Variants in PDE3B observed in about 807,000 individuals in gnomAD.
PDE3B encodes the protein phosphodiesterase 3B.
Under a neutral mutation model 116.8 loss-of-function variants are expected in PDE3B, and 66 were observed. The ratio of observed to expected loss-of-function variants is 0.56; its 90% CI spans 0.46 to 0.69. The LOEUF (loss-of-function observed/expected upper bound fraction) is 0.69. Among genes scored for constraint, PDE3B ranks in the 30% least tolerant of loss-of-function variants. PDE3B has a pLI of 0.00. For synonymous variants in PDE3B, 595 were observed against 533.6 expected (o/e 1.12, Z -1.59); for missense variants, 1,384 against 1,368.1 (o/e 1.01, Z -0.18).
chr11:14,816,141 C>T (rs1250194201), intron 5 of PDE3B, among the ~76,000 whole-genome samples: 3 of 152,148 alleles, frequency 2.0e-5, no homozygotes, highest in Admixed American at 6.5e-5. Flanking sequence ...TTTATGAGAC[C>T]TCAGTCTTTT....
intron 1 of PDE3B, among the ~76,000 whole-genome samples, chr11:14,743,675 C>G (rs927336678): frequency 2.0e-5 from 3 of 152,186 alleles, no homozygotes; most frequent in African/African-American, 7.2e-5. Flanking sequence ...GCTTGAAACC[C>G]AGGACCCTGG....
At chr11:14,771,284 A>C (rs1565129286) in intron 1 of PDE3B, among the ~76,000 whole-genome samples, 1 of 151,716 alleles carries the variant, frequency 6.6e-6, no homozygotes, top group Non-Finnish European at 1.5e-5. Context: ...AGTTAATTTT[A>C]TCTCCTTGGG....
the PDE3B span, chr11:14,891,964 G>A: frequency 2.5e-6 from 4 of 1,610,726 alleles, no homozygotes; most frequent in Non-Finnish European, 3.4e-6. Context: ...CCTGCCCGGG[G>A]CCCGTCGGGG....
At chr11:14,895,922 A>G in the PDE3B span, among the ~76,000 whole-genome samples, 1 of 150,620 alleles carries the variant, frequency 6.6e-6, no homozygotes, top group Non-Finnish European at 1.5e-5. Flanking sequence ...AGGTGGTGGC[A>G]TGGTGATGAT....
At chr11:14,728,093 A>G (rs1313433252) in intron 1 of PDE3B, among the ~76,000 whole-genome samples, 2 of 152,052 alleles carry the variant, frequency 1.3e-5, no homozygotes, top group African/African-American at 4.8e-5. Flanking sequence ...TAATATATGC[A>G]TATGTTTTAA....
At chr11:14,880,908 T>A in the PDE3B span, 1 of 745,378 alleles carries the variant, frequency 1.3e-6, no homozygotes, top group South Asian at 2.0e-5. Flanking sequence ...TGGGTCCTGT[T>A]CTCAGCAACT....
intron 1 of PDE3B, among the ~76,000 whole-genome samples, chr11:14,722,634 A>G (rs941904622): frequency 1.3e-5 from 2 of 152,194 alleles, no homozygotes; most frequent in African/African-American, 2.4e-5. Flanking sequence ...AAAGCCTGCC[A>G]ATAACCATGT....
downstream of PDE3B, among the ~76,000 whole-genome samples, chr11:14,874,522 C>T (rs1848172134): frequency 2.6e-5 from 4 of 152,060 alleles, no homozygotes; most frequent in African/African-American, 9.7e-5. Context: ...CTTTGGACCC[C>T]ATTTCTTTAT....
At chr11:14,827,323 A>T (rs960946183) in intron 7 of PDE3B, among the ~76,000 whole-genome samples, 2 of 152,190 alleles carry the variant, frequency 1.3e-5, no homozygotes, top group African/African-American at 4.8e-5. Flanking sequence ...GACCACAGTA[A>T]TCAGGAAAGA....
chr11:14,845,168 G>T (rs7108485), intron 12 of PDE3B, among the ~76,000 whole-genome samples: 3 of 151,634 alleles, frequency 2.0e-5, no homozygotes, highest in Non-Finnish European at 4.4e-5. Context: ...AGACAGCAGC[G>T]TTCACGGTTC....
intron 1 of PDE3B, among the ~76,000 whole-genome samples, chr11:14,748,439 A>T (rs1856971455): frequency 6.6e-6 from 1 of 152,230 alleles, no homozygotes; most frequent in South Asian, 2.1e-4. Context: ...TTTCAAATTC[A>T]TAATATTCTT....
chr11:14,855,856 C>A (rs1416870858), intron 12 of PDE3B, among the ~76,000 whole-genome samples: 1 of 152,212 alleles, frequency 6.6e-6, no homozygotes, highest in Non-Finnish European at 1.5e-5. Context: ...TAATGAGATT[C>A]TCAGATATGC....
intron 10 of PDE3B, among the ~76,000 whole-genome samples, chr11:14,833,422 A>G (rs932891886): frequency 6.6e-6 from 1 of 152,162 alleles, no homozygotes; most frequent in African/African-American, 2.4e-5. Flanking sequence ...ATTGATACAT[A>G]TTTATGATCT....
intron 1 of PDE3B, among the ~76,000 whole-genome samples, chr11:14,737,043 T>C (rs1037523519): frequency 6.6e-6 from 1 of 152,174 alleles, no homozygotes; most frequent in Non-Finnish European, 1.5e-5. Context: ...CTTTCTTATC[T>C]TTAAAATGAA....
the PDE3B span, chr11:14,885,960 A>C: frequency 1.5e-5 from 24 of 1,586,038 alleles, no homozygotes; most frequent in Non-Finnish European, 1.9e-5. Flanking sequence ...GACAGCATGT[A>C]TGGAGAAATA....
At chr11:14,721,055 A>G (rs1178520605) in intron 1 of PDE3B, among the ~76,000 whole-genome samples, 2 of 140,074 alleles carry the variant, frequency 1.4e-5, no homozygotes, top group Middle Eastern at 3.3e-3. Context: ...CAGAATCTAC[A>G]ATGAACTCAA....
At chr11:14,775,499 A>G (rs1857759325) in intron 2 of PDE3B, 1 of 151,990 alleles carries the variant, frequency 6.6e-6, no homozygotes, top group Non-Finnish European at 1.5e-5. Context: ...AGGTTTCTAT[A>G]TCTCTTTTGA....
At chr11:14,755,025 A>G (rs993361307) in intron 1 of PDE3B, among the ~76,000 whole-genome samples, 2 of 152,240 alleles carry the variant, frequency 1.3e-5, no homozygotes, top group African/African-American at 4.8e-5. Flanking sequence ...AACCACGATT[A>G]CTGAACACTG....
chr11:14,783,313 TG>T (rs1858086189), intron 2 of PDE3B, among the ~76,000 whole-genome samples: 1 of 152,210 alleles, frequency 6.6e-6, no homozygotes, highest in South Asian at 2.1e-4. Flanking sequence ...TGCACATGTA[TG>T]TTTATTGCGG....
Sources: gnomAD v4.1 joint callset for allele counts (sites outside exome capture counted in the v4.1 genomes callset) on GRCh38, gnomAD v4.1.1 for gene constraint, MANE v1.5 for transcripts, NCBI Gene and HGNC (gene_info 2026-07-23, HGNC 2026-07-21) for gene names.